CAMKMT: variants seen among roughly 807,000 people sequenced by gnomAD.
CAMKMT encodes the protein calmodulin-lysine N-methyltransferase.
In CAMKMT, 53 loss-of-function variants were observed where a neutral mutation model predicts 48.0. The ratio of observed to expected loss-of-function variants is 1.10; its 90% CI spans 0.89 to 1.39. The LOEUF (loss-of-function observed/expected upper bound fraction) is 1.39, where lower values mean the gene tolerates loss of function less well. Among genes scored for constraint, CAMKMT ranks in the 40% most tolerant of loss-of-function variants. CAMKMT has a pLI of 0.00. For synonymous variants in CAMKMT, 165 were observed against 152.3 expected (o/e 1.08, Z -0.61); for missense variants, 428 against 402.7 (o/e 1.06, Z -0.54).
chr2:44,592,700 C>T (rs971878076), intron 3 of CAMKMT, among the ~76,000 whole-genome samples: 3 of 152,164 alleles, frequency 2.0e-5, no homozygotes, highest in Non-Finnish European at 2.9e-5. Flanking sequence ...AGGGTTCAGT[C>T]CTATCTGCGA....
intron 3 of CAMKMT, among the ~76,000 whole-genome samples, chr2:44,575,113 C>G (rs1233466719): frequency 6.6e-6 from 1 of 151,892 alleles, no homozygotes; most frequent in South Asian, 2.1e-4. Context: ...GAGTCTCACT[C>G]TGTCACCCAG....
At position 44,764,983 on chromosome 2, in the gene CAMKMT, G is replaced by A. The variant is rs549823417; in HGVS notation, c.763-1447G>A. ...CATGCCTGTAATCCCAGCACTTTGG[G>A]AGGCCAAGGTGGGAGGACCACCTGA... is the stretch of plus-strand genomic sequence containing the variant. On this transcript the variant is annotated intron_variant, in intron 9 of 10. Coordinates refer to ENST00000378494, the MANE Select transcript of CAMKMT (RefSeq NM_024766.5). Among the ~76,000 whole-genome samples the A allele has an allele frequency of 7.2e-5, 11 of 152,244 alleles. No individual in the cohort carries two copies. The East Asian group carries it at 1.7e-3, about 24-fold the overall frequency.
At chr2:44,636,999 C>A (rs1673171667) in intron 3 of CAMKMT, among the ~76,000 whole-genome samples, 1 of 152,256 alleles carries the variant, frequency 6.6e-6, no homozygotes, top group South Asian at 2.1e-4. Flanking sequence ...TAGAACAGTA[C>A]TCCAACTTGA....
At chr2:44,508,793 A>G (rs1670388534) in intron 3 of CAMKMT, among the ~76,000 whole-genome samples, 1 of 152,092 alleles carries the variant, frequency 6.6e-6, no homozygotes, top group Non-Finnish European at 1.5e-5. Flanking sequence ...TGTAACTTGT[A>G]TGTCTTAAAT....
chr2:44,594,375 C>T (rs1447705104), intron 3 of CAMKMT, among the ~76,000 whole-genome samples: 2 of 152,120 alleles, frequency 1.3e-5, no homozygotes, highest in Non-Finnish European at 1.5e-5. Context: ...GCAAAAAGAA[C>T]AAAGCTGGAA....
chr2:44,742,691 C>T (rs982732921), intron 7 of CAMKMT, among the ~76,000 whole-genome samples: 2 of 152,066 alleles, frequency 1.3e-5, no homozygotes, highest in Non-Finnish European at 2.9e-5. Context: ...ATGAAAAGAA[C>T]TTTTGGGCTG....
chr2:44,431,783 C>T (rs551745951), intron 3 of CAMKMT, among the ~76,000 whole-genome samples: 1 of 152,192 alleles, frequency 6.6e-6, no homozygotes, highest in South Asian at 2.1e-4. Flanking sequence ...CTGGTGGATG[C>T]CCCTGATGAA....
At position 44,630,334 on chromosome 2, in the gene CAMKMT, G is replaced by A. The variant is rs967304629; in HGVS notation, c.377-73949G>A. Among the ~76,000 whole-genome samples, 14 of 152,258 alleles carry A rather than the reference G, an allele frequency of 9.2e-5. No individual in the cohort carries two copies. The East Asian group carries it at 1.4e-3, about 15-fold the overall frequency. On this transcript the variant is annotated intron_variant, in intron 3 of 10. Coordinates refer to ENST00000378494, the MANE Select transcript of CAMKMT (RefSeq NM_024766.5). ...GCATTACCATTCAGGACACAGGCAC[G>A]GGGAAGGACTTCATGTCTAAAACAC...
chr2:44,432,931 T>G (rs1684737864), intron 3 of CAMKMT, among the ~76,000 whole-genome samples: 2 of 152,124 alleles, frequency 1.3e-5, no homozygotes, highest in African/African-American at 4.8e-5. Flanking sequence ...AGTTAAATAA[T>G]GAAAAGAGCT....
intron 3 of CAMKMT, among the ~76,000 whole-genome samples, chr2:44,624,733 C>T (rs925435242): frequency 2.0e-5 from 3 of 152,114 alleles, no homozygotes; most frequent in Non-Finnish European, 2.9e-5. Flanking sequence ...CATTGTTGGA[C>T]ATTTGGGTTG....
At chr2:44,400,389 A>G (rs1305721669) in intron 3 of CAMKMT, among the ~76,000 whole-genome samples, 1 of 152,112 alleles carries the variant, frequency 6.6e-6, no homozygotes, top group African/African-American at 2.4e-5. Context: ...GTCTGAGCTC[A>G]CATGGTAATT....
chr2:44,618,081 T>C lies in CAMKMT; in HGVS notation c.377-86202T>C, dbSNP rs1056123564. The stretch of plus-strand genomic sequence containing the variant: ...TAGTAGTTAAACTGATTTTAATGGA[T>C]GAATTTTCATTTAAAAGTAAAAAAT... On this transcript the variant is annotated intron_variant, in intron 3 of 10. Transcript: ENST00000378494. This position sits in a 1 kb window ranked among gnomAD's most constrained non-coding sequence, Gnocchi z 4.0. Among the ~76,000 whole-genome samples, 3 of 152,232 alleles carry C rather than the reference T, an allele frequency of 2.0e-5. No homozygotes were observed. The highest frequency in any genetic ancestry group is 7.2e-5 in the African/African-American group (3 of 41,456).
intron 3 of CAMKMT, among the ~76,000 whole-genome samples, chr2:44,411,136 C>G (rs1021574074): frequency 6.6e-6 from 1 of 152,136 alleles, no homozygotes; most frequent in African/African-American, 2.4e-5. Flanking sequence ...AAATACTTCT[C>G]TTGTTTGAAC....
intron 3 of CAMKMT, among the ~76,000 whole-genome samples, chr2:44,444,344 A>G (rs1572890009): frequency 6.6e-6 from 1 of 152,172 alleles, no homozygotes; most frequent in South Asian, 2.1e-4. Context: ...TGTCAAGATC[A>G]TGTAAAATTT....
intron 3 of CAMKMT, among the ~76,000 whole-genome samples, chr2:44,614,229 G>A (rs1417714236): frequency 6.6e-6 from 1 of 152,220 alleles, no homozygotes; most frequent in Non-Finnish European, 1.5e-5. Flanking sequence ...ACCAGTAAGT[G>A]TTTCACAGGG....
intron 3 of CAMKMT, among the ~76,000 whole-genome samples, chr2:44,647,931 AG>A (rs752640862): frequency 1.1e-4 from 16 of 149,664 alleles, no homozygotes; most frequent in Non-Finnish European, 1.6e-4. Context: ...AAAAAAAAAA[AG>A]AAACTATGAA....
At position 44,742,823 on chromosome 2, in the gene CAMKMT, G is replaced by A. The variant is rs567335936; in HGVS notation, c.624-799G>A. On this transcript the variant is annotated intron_variant, in intron 7 of 10. Transcript: ENST00000378494. ...GGCAGGGTAGGACATGTTCAATCCGGTTAGGTTTAAAGAATCAAAATAGAA... is the reference window on the plus strand; with the variant it reads ...GGCAGGGTAGGACATGTTCAATCCGATTAGGTTTAAAGAATCAAAATAGAA... Among the ~76,000 whole-genome samples, 40 of 152,284 alleles carry A rather than the reference G, an allele frequency of 2.6e-4. 1 individual carries two copies. In the South Asian group the frequency reaches 5.4e-3, roughly 21 times the overall value.
intron 3 of CAMKMT, among the ~76,000 whole-genome samples, chr2:44,683,215 C>CA (rs11451906): frequency 0.18 from 26,843 of 149,186 alleles, 2,809 homozygotes; most frequent in African/African-American, 0.3. Context: ...AAATAGAAAC[C>CA]AAAAAAAAAA....
chr2:44,392,099 C>T (rs1267256497), intron 3 of CAMKMT: 1 of 152,086 alleles, frequency 6.6e-6, no homozygotes, highest in Non-Finnish European at 1.5e-5. Flanking sequence ...TATATAACCT[C>T]TTTTGGTTTT....
Sources: allele counts gnomAD v4.1 joint callset (sites outside exome capture counted in the v4.1 genomes callset), GRCh38; gene constraint gnomAD v4.1.1; non-coding constraint Gnocchi (gnomAD v3.1); transcripts MANE v1.5; gene names NCBI Gene and HGNC (gene_info 2026-07-23, HGNC 2026-07-21).